Variants in ELFN2 observed in about 807,000 individuals in gnomAD.
ELFN2 encodes the protein extracellular leucine rich repeat and fibronectin type III domain containing 2.
Under a neutral mutation model 45.5 loss-of-function variants are expected in ELFN2, and 17 were observed. That is an observed-to-expected ratio of 0.37 (90% CI 0.26 to 0.56). ELFN2 has a LOEUF of 0.56. Ranked by LOEUF, ELFN2 falls within the 20% of genes least tolerant of loss-of-function variation. The probability of loss-of-function intolerance (pLI) is 0.77; values close to 1 mark genes in which losing one functional copy is unlikely to be tolerated. For synonymous variants in ELFN2, 550 were observed against 551.5 expected, an observed-to-expected ratio of 1.00 and a Z score of 0.04; for missense variants, 922 against 1,183.2, an observed-to-expected ratio of 0.78 and a Z score of 3.24.
At chr22:37,395,636 G>A (rs1932195354) in intron 2 of ELFN2, among the ~76,000 whole-genome samples, 2 of 152,164 alleles carry the variant, frequency 1.3e-5, no homozygotes, top group African/African-American at 4.8e-5. Flanking sequence ...TTCTCTACCT[G>A]GGCCTTGGCT....
intron 2 of ELFN2, among the ~76,000 whole-genome samples, chr22:37,406,582 C>T (rs929712016): frequency 2.0e-5 from 3 of 152,208 alleles, no homozygotes; most frequent in Admixed American, 6.5e-5. Flanking sequence ...CCACTAGCAG[C>T]CCCTCCCGTC....
chr22:37,365,733 C>G (rs967842103), downstream of ELFN2, among the ~76,000 whole-genome samples: 1 of 152,152 alleles, frequency 6.6e-6, no homozygotes, highest in Non-Finnish European at 1.5e-5. Context: ...ATATCCAGTT[C>G]CTGGGGCCCA....
intron 1 of ELFN2, among the ~76,000 whole-genome samples, chr22:37,424,128 G>A (rs568717908): frequency 1.1e-4 from 16 of 152,254 alleles, no homozygotes; most frequent in East Asian, 1.9e-4. Context: ...CGAGAGAGGA[G>A]CTTGGCCCCC....
Position 37,373,097 on chromosome 22 carries a change from C to G in ELFN2, c.2438G>C (p.Gly813Ala). 1 of 1,603,874 alleles carries G rather than the reference C, an allele frequency of 6.2e-7. No homozygotes were observed. Among genetic ancestry groups the G allele is most frequent in the Non-Finnish European group, 8.5e-7 (1 of 1,172,400 alleles). ...DLHDILDYWK[G>A]VSAQQKL ...TCACAGCTTCTGCTGGGCGGAGACC[C>G]CCTTCCAGTAATCAAGGATGTCATG... The change falls in exon 3 of 3, where the codon GGG becomes GCG. Residue 813 changes from glycine to alanine, a missense_variant. Coordinates refer to ENST00000402918, the MANE Select transcript of ELFN2 (RefSeq NM_052906.5).
chr22:37,420,775 A>G (rs1398342066), intron 1 of ELFN2, among the ~76,000 whole-genome samples: 2 of 152,214 alleles, frequency 1.3e-5, no homozygotes, highest in African/African-American at 4.8e-5. Context: ...AACGAAACGG[A>G]AGATGATTAG....
chr22:37,360,827 A>G (rs1931067492), intron 1 of ELFN2, among the ~76,000 whole-genome samples: 1 of 152,198 alleles, frequency 6.6e-6, no homozygotes, highest in African/African-American at 2.4e-5. Flanking sequence ...AACAAAGAAG[A>G]GGCTCGTACA....
At chr22:37,384,032 C>T (rs924567750) in intron 2 of ELFN2, among the ~76,000 whole-genome samples, 2 of 152,122 alleles carry the variant, frequency 1.3e-5, no homozygotes, top group Non-Finnish European at 2.9e-5. Context: ...AAAGCCCTGT[C>T]ACCTGCCCAC....
intron 1 of ELFN2, among the ~76,000 whole-genome samples, chr22:37,344,844 T>C (rs1930657318): frequency 6.6e-6 from 1 of 152,140 alleles, no homozygotes; most frequent in Non-Finnish European, 1.5e-5. Flanking sequence ...GCTCCTCAGG[T>C]GCGCAGGGGG....
At chr22:37,376,278 A>T (rs1931584478) in intron 2 of ELFN2, among the ~76,000 whole-genome samples, 2 of 152,076 alleles carry the variant, frequency 1.3e-5, no homozygotes, top group Non-Finnish European at 2.9e-5. Flanking sequence ...TGGAGAGAAC[A>T]GGTGAGCACA....
intron 2 of ELFN2, among the ~76,000 whole-genome samples, chr22:37,415,222 A>G (rs1932744949): frequency 6.6e-6 from 1 of 152,180 alleles, no homozygotes; most frequent in Non-Finnish European, 1.5e-5. Context: ...GGTGATGCCA[A>G]AATGGTAGAC....
chr22:37,394,990 C>A (rs1450808950), intron 2 of ELFN2, among the ~76,000 whole-genome samples: 1 of 152,000 alleles, frequency 6.6e-6, no homozygotes, highest in East Asian at 1.9e-4. Flanking sequence ...GTAGTCCCAG[C>A]TACTCGGGAG....
intron 1 of ELFN2, among the ~76,000 whole-genome samples, chr22:37,344,924 C>T (rs1239679514): frequency 6.6e-6 from 1 of 152,318 alleles, no homozygotes; most frequent in East Asian, 1.9e-4. Context: ...GCACAATCCC[C>T]CCTGCTCTGC....
intron 2 of ELFN2, among the ~76,000 whole-genome samples, chr22:37,394,930 C>T (rs996241534): frequency 2.6e-5 from 4 of 151,886 alleles, no homozygotes; most frequent in African/African-American, 7.3e-5. Flanking sequence ...TAGCGAAACC[C>T]CGTCTCTACT....
At position 37,422,943 on chromosome 22, in the gene ELFN2, CGGGGG is replaced by C. The variant is rs67054331; in HGVS notation, c.-614+4350_-614+4354del. On this transcript the variant is annotated intron_variant, in intron 1 of 2. Transcript: ENST00000402918. The stretch of plus-strand genomic sequence containing the variant: ...ACTTCATATTGAGGAAACTGGGCCT[CGGGGG>C]GGGGGGGGGAAGTGACTTGCCCAGG... Among the ~76,000 whole-genome samples, 33 of 29,270 alleles carry C rather than the reference CGGGGG, an allele frequency of 1.1e-3. 1 individual carries two copies. Among genetic ancestry groups the C allele is most frequent in the African/African-American group, 2.6e-3 (33 of 12,720 alleles). 19.2% of individuals were successfully genotyped at this position (29,270 alleles called of 152,430 possible). A position where few individuals can be genotyped will look rare whatever the true frequency, so the allele number is the denominator to read the frequency against.
At chr22:37,355,365 G>A (rs1451638291) in intron 1 of ELFN2, among the ~76,000 whole-genome samples, 1 of 152,212 alleles carries the variant, frequency 6.6e-6, no homozygotes, top group Non-Finnish European at 1.5e-5. Context: ...GAGGCCACCT[G>A]CGGGCCCTCC....
chr22:37,425,910 T>A (rs1041578970), intron 1 of ELFN2, among the ~76,000 whole-genome samples: 3 of 112,838 alleles, frequency 2.7e-5, no homozygotes, highest in Non-Finnish European at 3.9e-5. Flanking sequence ...CCCAGTCCCA[T>A]CTCATGATGC....
At chr22:37,379,722 T>C (rs1357965851) in intron 2 of ELFN2, among the ~76,000 whole-genome samples, 5 of 152,100 alleles carry the variant, frequency 3.3e-5, no homozygotes, top group Admixed American at 3.3e-4. Context: ...AGGGCAGAGC[T>C]GGTGGTGCAG....
intron 2 of ELFN2, among the ~76,000 whole-genome samples, chr22:37,403,230 A>G (rs1351443575): frequency 7.3e-6 from 1 of 137,160 alleles, no homozygotes; most frequent in Non-Finnish European, 1.5e-5. Context: ...TTCATTCTGC[A>G]GAACAAAGCT....
chr22:37,374,059 G>A lies in ELFN2; in HGVS notation c.1476C>T (p.Asp492=). The A allele has an allele frequency of 6.2e-7, 1 of 1,613,172 alleles. No homozygotes were observed. The highest frequency in any genetic ancestry group is 8.5e-7 in the Non-Finnish European group (1 of 1,180,016). The change falls in exon 3 of 3, where the codon GAC becomes GAT. Residue 492 remains aspartate (D), a synonymous_variant. Transcript: ENST00000402918. ...PTAKGLEAGL[D]TPKVATKGNY... ...TGCCTTTGGTGGCTACCTTGGGTGT[G>A]TCCAGCCCGGCCTCCAACCCCTTGG... is the stretch of plus-strand genomic sequence containing the variant.
Sources: gnomAD v4.1 joint callset for allele counts (sites outside exome capture counted in the v4.1 genomes callset) on GRCh38, gnomAD v4.1.1 for gene constraint, MANE v1.5 for transcripts, NCBI Gene and HGNC (gene_info 2026-07-23, HGNC 2026-07-21) for gene names.